NAV3: variants seen among roughly 807,000 people sequenced by gnomAD.
NAV3 encodes neuron navigator 3, also known as pore membrane and/or filament interacting like protein 1.
In NAV3, 87 loss-of-function variants were observed where a neutral mutation model predicts 244.7. That is an observed-to-expected ratio of 0.36 (90% CI 0.30 to 0.42). The LOEUF (loss-of-function observed/expected upper bound fraction) is 0.42, where lower values mean the gene tolerates loss of function less well. Among genes scored for constraint, NAV3 ranks in the 20% least tolerant of loss-of-function variants. The pLI is 1.00. For synonymous variants in NAV3, 1,126 were observed against 1,042.2 expected (o/e 1.08, Z -1.55); for missense variants, 2,663 against 2,893.3 (o/e 0.92, Z 1.83).
In NAV3 at chr12:78,116,853, C is replaced by T. The variant is rs2138518722; in HGVS notation, c.2718C>T (p.Ser906=). Residue 906 remains serine, a synonymous_variant, in exon 13 of 40, where the codon TCC becomes TCT. Coordinates refer to ENST00000397909, the MANE Select transcript of NAV3 (RefSeq NM_001024383.2). ...GCACTGATGACCTGAACACCACATC[C>T]TCTGTCAGCTCTTACTCCAACATCA... The part of the protein sequence containing the change: ...NISTDDLNTT[S]SVSSYSNITV... The T allele has an allele frequency of 1.2e-6, 2 of 1,613,522 alleles. No homozygotes were observed. Among genetic ancestry groups the T allele is most frequent in the Non-Finnish European group, 1.7e-6 (2 of 1,179,676 alleles).
rs114272302 is a variant in NAV3, at chr12:78,051,775, T to C, written c.2516+628T>C. On this transcript the variant is annotated intron_variant, in intron 11 of 39. Transcript: ENST00000397909. ...ATATTTGGCATAATCAGAGAATAGG[T>C]CCAAAAGGAGGCAATAGGATATTCT... 8.7e-4 allele frequency among the ~76,000 whole-genome samples: 133 copies of C among 152,322 alleles called. 1 individual carries two copies. The highest frequency in any genetic ancestry group is 2.9e-3 in the African/African-American group (120 of 41,570).
intron 2 of NAV3, among the ~76,000 whole-genome samples, chr12:77,649,093 T>C (rs2136982549): frequency 6.6e-6 from 1 of 152,278 alleles, no homozygotes; most frequent in South Asian, 2.1e-4. Context: ...TAAACTATAT[T>C]CTTGGACTTT....
At chr12:77,636,721 T>C (rs1292293725) in intron 2 of NAV3, among the ~76,000 whole-genome samples, 2 of 152,024 alleles carry the variant, frequency 1.3e-5, no homozygotes. Context: ...GCATTCACAA[T>C]AGCAAAGACT....
At chr12:77,691,356 C>CTATATATATATATAT (rs1875019081) in intron 2 of NAV3, among the ~76,000 whole-genome samples, 2 of 108,628 alleles carry the variant, frequency 1.8e-5, no homozygotes, top group African/African-American at 6.8e-5. Context: ...TATATATATA[C>CTATATATATATATAT]ATATCCATTC....
intron 2 of NAV3, among the ~76,000 whole-genome samples, chr12:77,586,687 G>A (rs1869629900): frequency 6.6e-6 from 1 of 152,184 alleles, no homozygotes; most frequent in Non-Finnish European, 1.5e-5. Flanking sequence ...GACTGATACA[G>A]TATCCACTCG....
chr12:77,637,109 T>A (rs1020020646), intron 2 of NAV3, among the ~76,000 whole-genome samples: 2 of 152,004 alleles, frequency 1.3e-5, no homozygotes, highest in Non-Finnish European at 2.9e-5. Context: ...CTGCACATTC[T>A]ACACATGTAT....
In NAV3 at chr12:77,917,266, A is replaced by G. The variant is rs146508416; in HGVS notation, c.244-23053A>G. Among the ~76,000 whole-genome samples, 6 of 152,122 alleles carry G rather than the reference A, an allele frequency of 3.9e-5. No individual in the cohort carries two copies. The East Asian group carries it at 1.2e-3, about 29-fold the overall frequency. Reference sequence around the variant, plus strand: ...TATTATTATCTGTGACTTAATTATCAAATTTACCCAAGATTATAAAGGTAT... The same window carrying G: ...TATTATTATCTGTGACTTAATTATCGAATTTACCCAAGATTATAAAGGTAT... On this transcript the variant is annotated intron_variant, in intron 1 of 39. Transcript: ENST00000397909.
chr12:77,818,621 G>A (rs750292323), intron 2 of NAV3, among the ~76,000 whole-genome samples: 6 of 152,048 alleles, frequency 3.9e-5, no homozygotes, highest in Admixed American at 1.3e-4. Flanking sequence ...TCATGTAAAT[G>A]TTAGGGAAGT....
At position 78,089,349 on chromosome 12, in the gene NAV3, T is replaced by C. The variant is rs116275330; in HGVS notation, c.2637-27423T>C. ...TATTATGAAAGCATTCAGATGACCA[T>C]TTTAACATATTTTTTAAAGCCACTA... is the stretch of plus-strand genomic sequence containing the variant. On this transcript the variant is annotated intron_variant, in intron 12 of 39. Coordinates refer to ENST00000397909, the MANE Select transcript of NAV3 (RefSeq NM_001024383.2). Among the ~76,000 whole-genome samples the C allele has an allele frequency of 7.9e-3, 1,199 of 152,224 alleles. 11 individuals are homozygous for C. Among genetic ancestry groups the C allele is most frequent in the African/African-American group, 0.027 (1,134 of 41,560 alleles).
chr12:78,175,469 C>T (rs1255222064), intron 25 of NAV3, 42 bp downstream of exon 25: 6 of 1,594,870 alleles, frequency 3.8e-6, no homozygotes, highest in Non-Finnish European at 5.1e-6. Context: ...CTTATTAATG[C>T]ATAATGTGTT....
At chr12:77,776,581 G>A (rs1487265361) in intron 2 of NAV3, among the ~76,000 whole-genome samples, 2 of 152,118 alleles carry the variant, frequency 1.3e-5, no homozygotes, top group African/African-American at 4.8e-5. Context: ...ATGAAGATCT[G>A]CACTCTCTTG....
chr12:78,123,363 T>G (rs932585580), intron 16 of NAV3, among the ~76,000 whole-genome samples: 6 of 152,084 alleles, frequency 3.9e-5, no homozygotes, highest in Admixed American at 3.9e-4. Context: ...TATTTTTATT[T>G]TTTAACTCTG....
intron 9 of NAV3, among the ~76,000 whole-genome samples, chr12:78,024,936 C>T (rs1877760920): frequency 6.6e-6 from 1 of 151,766 alleles, no homozygotes; most frequent in African/African-American, 2.4e-5. Context: ...GATAGCGCCA[C>T]TGCACTCCAG....
intron 2 of NAV3, among the ~76,000 whole-genome samples, chr12:77,645,773 G>T (rs540676011): frequency 6.6e-6 from 1 of 152,110 alleles, no homozygotes; most frequent in South Asian, 2.1e-4. Context: ...AGCTCCATAG[G>T]TGTTATACAT....
intron 8 of NAV3, among the ~76,000 whole-genome samples, chr12:78,010,066 T>C (rs889900598): frequency 1.3e-5 from 2 of 152,116 alleles, no homozygotes; most frequent in Admixed American, 6.6e-5. Context: ...AATAAATAAA[T>C]TAAAACTGTC....
At chr12:77,778,759 C>T (rs1870518163) in intron 2 of NAV3, among the ~76,000 whole-genome samples, 1 of 151,866 alleles carries the variant, frequency 6.6e-6, no homozygotes, top group African/African-American at 2.4e-5. Flanking sequence ...GTTGTCAATC[C>T]TCACTAATAA....
At chr12:77,967,274 A>G (rs1892600794) in intron 4 of NAV3, among the ~76,000 whole-genome samples, 1 of 152,212 alleles carries the variant, frequency 6.6e-6, no homozygotes, top group Non-Finnish European at 1.5e-5. Context: ...TACTCTCTAA[A>G]TTAGTTAAAC....
rs1891399897 is a variant in NAV3 at position 77,956,750 on chromosome 12, T to G, written c.415-9479T>G. On this transcript the variant is annotated intron_variant, in intron 3 of 39. Transcript: ENST00000397909. ...CTTATTTATTTATTTATTTATTTAT[T>G]TATTTATTTGAGACAGAGTCTCACT... Among the ~76,000 whole-genome samples, 2 of 151,818 alleles carry G rather than the reference T, an allele frequency of 1.3e-5. 1 individual carries two copies. The highest frequency in any genetic ancestry group is 6.8e-3 in the Middle Eastern group (2 of 294).
At chr12:77,749,660 C>T (rs1297446746) in intron 2 of NAV3, among the ~76,000 whole-genome samples, 1 of 151,594 alleles carries the variant, frequency 6.6e-6, no homozygotes, top group Non-Finnish European at 1.5e-5. Flanking sequence ...ATATGAAGTG[C>T]CTGCTAAAAA....
Sources: allele counts gnomAD v4.1 joint callset (sites outside exome capture counted in the v4.1 genomes callset), GRCh38; gene constraint gnomAD v4.1.1; transcripts MANE v1.5; gene names NCBI Gene and HGNC (gene_info 2026-07-23, HGNC 2026-07-21).